PRICKLE3: variants seen among roughly 807,000 people sequenced by gnomAD.
The protein encoded by PRICKLE3 is prickle planar cell polarity protein 3.
In PRICKLE3, 17 loss-of-function variants were observed where a neutral mutation model predicts 33.8. The ratio of observed to expected loss-of-function variants is 0.50; its 90% CI spans 0.34 to 0.75. The LOEUF is 0.75. Among genes scored for constraint, PRICKLE3 ranks in the 30% least tolerant of loss-of-function variants. PRICKLE3 has a pLI of 0.01. For missense variants in PRICKLE3, 573 were observed against 576.7 expected (o/e 0.99, Z 0.07); for synonymous variants, 211 against 219.6 (o/e 0.96, Z 0.34).
chrX:49,175,831 G>A lies in PRICKLE3; in HGVS notation c.1690C>T (p.Leu564=). Residue 564 remains leucine, a synonymous_variant, in exon 9 of 9, where the codon CTA becomes TTA. Transcript: ENST00000599218. ...SESSEDDGFF[L]GERIPLPPHL... ...GGGGGCAGAGGGATGCGCTCTCCTAGGAAGAAGCCATCATCCTCTGATGAT... is the reference window on the plus strand; with the variant it reads ...GGGGGCAGAGGGATGCGCTCTCCTAAGAAGAAGCCATCATCCTCTGATGAT... The A allele has an allele frequency of 8.2e-7, 1 of 1,212,292 alleles. No homozygotes were observed. The highest frequency in any genetic ancestry group is 1.1e-6 in the Non-Finnish European group (1 of 895,585).
At chrX:49,182,077 G>A (rs1313017540) in intron 3 of PRICKLE3, among the ~76,000 whole-genome samples, 1 of 109,337 alleles carries the variant, frequency 9.1e-6, no homozygotes, top group African/African-American at 3.3e-5. Context: ...CTCCCGAGTA[G>A]CTGGGATTAC....
intron 1 of PRICKLE3, among the ~76,000 whole-genome samples, chrX:49,185,539 C>T (rs910634345): frequency 1.3e-4 from 15 of 111,215 alleles, no homozygotes; most frequent in Admixed American, 5.7e-4. Flanking sequence ...CTCAGCATTT[C>T]GGCATCCCAG....
At position 49,175,707 on chromosome X, in the gene PRICKLE3, C is replaced by G. The variant is rs781960788; in HGVS notation, c.1814G>C (p.Arg605Pro). 1.3e-4 allele frequency: 152 copies of G among 1,209,724 alleles called. No homozygotes were observed. The highest frequency in any genetic ancestry group is 1.6e-4 in the Non-Finnish European group (140 of 894,953). Residue 605 changes from arginine (R) to proline (P), a missense_variant, in exon 9 of 9, where the codon CGT (arginine) becomes CCT (proline). Transcript: ENST00000599218. ...LPRDSRAGMP[R>P]QARDKNCIVA ...GATGCAGTTCTTGTCTCGGGCCTGACGAGGCATCCCTGCGCGAGAGTCCCT... is the reference window on the plus strand; with the variant it reads ...GATGCAGTTCTTGTCTCGGGCCTGAGGAGGCATCCCTGCGCGAGAGTCCCT...
intron 5 of PRICKLE3, among the ~76,000 whole-genome samples, chrX:49,178,752 G>T (rs2065433415): frequency 1.8e-5 from 2 of 112,231 alleles, no homozygotes; most frequent in African/African-American, 6.5e-5. Context: ...CAGGGGTGGG[G>T]AAGACAGACA....
At position 49,177,117 on chromosome X, in the gene PRICKLE3, G is replaced by T. The variant is rs2065423035; in HGVS notation, c.1041C>A (p.Ala347=). The change falls in exon 8 of 9, where the codon GCC becomes GCA. Residue 347 remains alanine, a synonymous_variant. Coordinates refer to ENST00000599218, the MANE Select transcript of PRICKLE3 (RefSeq NM_006150.5). ...GTGGCAGGAATGGGCGGCCCAGCAG[G>T]GCCCGCCCACAGCGACTACAGCAGA... ...RCFCCSRCGR[A]LLGRPFLPRR... The T allele has an allele frequency of 8.3e-7, 1 of 1,200,123 alleles. No homozygotes were observed. Among genetic ancestry groups the T allele is most frequent in the Non-Finnish European group, 1.1e-6 (1 of 890,391 alleles).
At chrX:49,184,403 A>G (rs1217842263) in intron 2 of PRICKLE3, among the ~76,000 whole-genome samples, 6 of 107,020 alleles carry the variant, frequency 5.6e-5, no homozygotes, top group Non-Finnish European at 1.2e-4. Flanking sequence ...ACGGGAGAAC[A>G]CTTCTGGGGG....
Position 49,184,699 on chromosome X carries a change from T to G in PRICKLE3, c.54A>C (p.Ala18=), listed in dbSNP as rs782081330. ...RRRSGRAPPE[A]EDPDRGQPCN... ...AGGGCTGGCCCCGGTCTGGGTCCTC[T>G]GCCTCTGGAGGCTGCAGTGGGCGGG... The change falls in exon 2 of 9, where the codon GCA becomes GCC. Residue 18 remains alanine (A), a synonymous_variant. Coordinates refer to ENST00000599218, the MANE Select transcript of PRICKLE3 (RefSeq NM_006150.5). 1.4e-4 allele frequency: 160 copies of G among 1,161,100 alleles called. No homozygotes were observed. Among genetic ancestry groups the G allele is most frequent in the Non-Finnish European group, 1.8e-4 (154 of 869,658 alleles).
Position 49,186,308 on chromosome X carries a change from G to C in PRICKLE3, c.-11C>G. ...CCCACGCGCGAACATGGCGCGCCCG[G>C]GCAGGGTCAAGCCGGGCCGGGTCAG... On this transcript the variant is annotated 5_prime_UTR_variant, in exon 1 of 9. Transcript: ENST00000599218. 5 of 1,140,476 alleles carry C rather than the reference G, an allele frequency of 4.4e-6. No individual in the cohort carries two copies. The highest frequency in any genetic ancestry group is 5.8e-6 in the Non-Finnish European group (5 of 860,254). 94.0% of individuals were successfully genotyped at this position (1,140,476 alleles called of 1,213,427 possible).
At position 49,178,381 on chromosome X, in the gene PRICKLE3, G is replaced by T; in HGVS notation, c.659C>A (p.Thr220Lys). Reference sequence around the variant, plus strand: ...GAGGTCAACCAGCAGTTCCTGGCACGTGGTACACACGAAGCACTGTGGGTG... The same window carrying T: ...GAGGTCAACCAGCAGTTCCTGGCACTTGGTACACACGAAGCACTGTGGGTG... ...CWHPQCFVCT[T>K]CQELLVDLIY... is the part of the protein sequence containing the mutation. Residue 220 changes from threonine (T) to lysine (K), a missense_variant, in exon 6 of 9, where the codon ACG becomes AAG. Thr to Lys is a moderately conservative substitution (Grantham distance 78). Coordinates refer to ENST00000599218, the MANE Select transcript of PRICKLE3 (RefSeq NM_006150.5). 8.3e-7 allele frequency: 1 copy of T among 1,211,470 alleles called. No individual in the cohort carries two copies. The highest frequency in any genetic ancestry group is 1.8e-5 in the South Asian group (1 of 56,864).
intron 3 of PRICKLE3, among the ~76,000 whole-genome samples, chrX:49,181,358 AC>A (rs782299721): frequency 0.05 from 4,476 of 89,056 alleles, 126 homozygotes; most frequent in East Asian, 0.077. Context: ...ACAGAGTGAG[AC>A]CCCCCCCCAT....
At chrX:49,180,424 T>C (rs1458187533) in intron 3 of PRICKLE3, among the ~76,000 whole-genome samples, 1 of 111,243 alleles carries the variant, frequency 9.0e-6, no homozygotes, top group Non-Finnish European at 1.9e-5. Flanking sequence ...TTCCAATCTC[T>C]CTTGAGCCTA....
chrX:49,176,247 G>A lies in PRICKLE3; in HGVS notation c.1274C>T (p.Pro425Leu), dbSNP rs782054931. Residue 425 changes from proline to leucine, a missense_variant, in exon 9 of 9, where the codon CCC (proline) becomes CTC (leucine). Pro to Leu is a moderately conservative substitution (Grantham distance 98). Coordinates refer to ENST00000599218, the MANE Select transcript of PRICKLE3 (RefSeq NM_006150.5). ...ELAPATGPEE[P>L]SRFLRGAPHR... Reference sequence around the variant, plus strand: ...GGGAGCCCCTCTCAGAAAGCGGGAGGGCTCCTCAGGGCCTGTAGCTGTTAA... The same window carrying A: ...GGGAGCCCCTCTCAGAAAGCGGGAGAGCTCCTCAGGGCCTGTAGCTGTTAA... 7 of 1,145,154 alleles carry A rather than the reference G, an allele frequency of 6.1e-6. No individual in the cohort carries two copies. Among genetic ancestry groups the A allele is most frequent in the Non-Finnish European group, 8.1e-6 (7 of 862,540 alleles). 94.4% of individuals were successfully genotyped at this position (1,145,154 alleles called of 1,213,427 possible).
chrX:49,181,521 G>T (rs188152784), intron 3 of PRICKLE3, among the ~76,000 whole-genome samples: 1 of 71,697 alleles, frequency 1.4e-5, no homozygotes, highest in Admixed American at 1.7e-4. Flanking sequence ...GTATATATAC[G>T]TATATATGTG....
intron 3 of PRICKLE3, among the ~76,000 whole-genome samples, chrX:49,182,430 C>T (rs2065461537): frequency 8.9e-6 from 1 of 112,221 alleles, no homozygotes; most frequent in Non-Finnish European, 1.9e-5. Context: ...CTCCATAGCC[C>T]CTGCCACATC....
chrX:49,184,564 T>G, intron 2 of PRICKLE3, 61 bp downstream of exon 2: 1 of 1,019,949 alleles, frequency 9.8e-7, no homozygotes, highest in Non-Finnish European at 1.3e-6. Flanking sequence ...GTAAGGCTCC[T>G]GGATTTCCCC....
In PRICKLE3 at chrX:49,185,035, C is replaced by T. The variant is rs923288241; in HGVS notation, c.43-325G>A. On this transcript the variant is annotated intron_variant, in intron 1 of 8. Coordinates refer to ENST00000599218, the MANE Select transcript of PRICKLE3 (RefSeq NM_006150.5). ...TTAGATCCTTCCAGGGCTCAAGCAC[C>T]TCCCCTATAATTCATTGTACTCTCC... The T allele has an allele frequency of 8.3e-6, 4 of 484,040 alleles. No individual in the cohort carries two copies. The Admixed American group carries it at 1.9e-4, about 24-fold the overall frequency. The allele number at this position is 484,040 out of a possible 1,213,427, so 39.9% of individuals were successfully genotyped here. A position where few individuals can be genotyped will look rare whatever the true frequency, so the allele number is the denominator to read the frequency against.
intron 7 of PRICKLE3, 89 bp downstream of exon 7, chrX:49,177,904 G>T: frequency 2.0e-6 from 2 of 1,000,864 alleles, no homozygotes; most frequent in Non-Finnish European, 2.7e-6. Flanking sequence ...GGAGGATGGG[G>T]CCTGGAGGAC....
chrX:49,180,035 CTT>C (rs150588040), intron 3 of PRICKLE3, among the ~76,000 whole-genome samples: 5 of 54,390 alleles, frequency 9.2e-5, no homozygotes, highest in South Asian at 2.0e-3. Flanking sequence ...TGCTGATCAC[CTT>C]TTTTTTTTTT....
At position 49,176,983 on chromosome X, in the gene PRICKLE3, G is replaced by A. The variant is rs2065421402; in HGVS notation, c.1175C>T (p.Ala392Val). Reference sequence around the variant, plus strand: ...AGCAGAGAAAGAGGCTGTGGAGGCTGCAAGTGGGGCTGTGACAGGGCCGGC... The same window carrying A: ...AGCAGAGAAAGAGGCTGTGGAGGCTACAAGTGGGGCTGTGACAGGGCCGGC... ...WSAGPVTAPL[A>V]ASTASFSAVK... Residue 392 changes from alanine to valine, a missense_variant, in exon 8 of 9, where the codon GCA (alanine) becomes GTA (valine). Ala to Val is a moderately conservative substitution (Grantham distance 64). Transcript: ENST00000599218. 1.7e-6 allele frequency: 2 copies of A among 1,211,204 alleles called. No individual in the cohort carries two copies. The highest frequency in any genetic ancestry group is 1.8e-5 in the South Asian group (1 of 56,836).
Sources: gnomAD v4.1 joint callset for allele counts (sites outside exome capture counted in the v4.1 genomes callset) on GRCh38, gnomAD v4.1.1 for gene constraint, MANE v1.5 for transcripts, NCBI Gene and HGNC (gene_info 2026-07-23, HGNC 2026-07-21) for gene names.